Variants in CYP2E1 observed in about 807,000 individuals in gnomAD.
CYP2E1 encodes the protein cytochrome P450 2E1.
A neutral mutation model predicts 42.9 loss-of-function variants in CYP2E1; 31 were observed. The observed-to-expected ratio is 0.72, with a 90% CI of 0.54 to 0.98. CYP2E1 has a LOEUF of 0.98. Among genes scored for constraint, CYP2E1 ranks in the 50% least tolerant of loss-of-function variants. The pLI is 0.00. For missense variants in CYP2E1, 565 were observed against 633.2 expected, an observed-to-expected ratio of 0.89 and a Z score of 1.16; for synonymous variants, 244 against 248.9, an observed-to-expected ratio of 0.98 and a Z score of 0.19.
chr10:133,534,565 G>A (rs1441413599), intron 6 of CYP2E1, among the ~76,000 whole-genome samples: 1 of 152,202 alleles, frequency 6.6e-6, no homozygotes, highest in Non-Finnish European at 1.5e-5. Flanking sequence ...GTAAAGGGGA[G>A]GAAAGGGAGC....
Position 133,532,214 on chromosome 10 carries a change from A to G in CYP2E1, c.578A>G (p.Asp193Gly). ...ILFRKHFDYN[D>G]EKFLRLMYLF... ...TTCCGCAAGCATTTTGACTACAATG[A>G]TGAGAAGTTTCTAAGGCTGATGTAT... The change falls in exon 4 of 9, where the codon GAT (aspartate) becomes GGT (glycine). Residue 193 changes from aspartate (D) to glycine (G), a missense_variant. By Grantham distance (94) the Asp-to-Gly change is moderately conservative. Transcript: ENST00000252945. The G allele has an allele frequency of 6.2e-7, 1 of 1,614,014 alleles. No homozygotes were observed. Among genetic ancestry groups the G allele is most frequent in the Middle Eastern group, 1.6e-4 (1 of 6,062 alleles).
intron 3 of CYP2E1, 44 bp downstream of exon 3, chr10:133,531,778 A>G (rs1157971271): frequency 6.5e-7 from 1 of 1,537,800 alleles, no homozygotes. Flanking sequence ...CTTGCAGACC[A>G]GCGGTGTGGG....
At chr10:133,532,955 G>A in intron 5 of CYP2E1, 87 bp downstream of exon 5, 1 of 1,284,952 alleles carries the variant, frequency 7.8e-7, no homozygotes, top group South Asian at 1.5e-5. Context: ...TGCACTTGCT[G>A]GTGTCCAGAC....
At chr10:133,534,668 A>G (rs2133597886) in intron 6 of CYP2E1, among the ~76,000 whole-genome samples, 1 of 152,260 alleles carries the variant, frequency 6.6e-6, no homozygotes, top group African/African-American at 2.4e-5. Flanking sequence ...GAGGCAGTTC[A>G]CAGCCTGAGT....
intron 6 of CYP2E1, among the ~76,000 whole-genome samples, chr10:133,536,307 T>C (rs1851394908): frequency 6.6e-6 from 1 of 152,012 alleles, no homozygotes; most frequent in Non-Finnish European, 1.5e-5. Flanking sequence ...TTTCCAGTAA[T>C]TCAAAGGACC....
At chr10:133,533,959 G>T in intron 6 of CYP2E1, 62 bp downstream of exon 6, 1 of 1,570,786 alleles carries the variant, frequency 6.4e-7, no homozygotes, top group East Asian at 2.2e-5. Context: ...GGCCAGCCTT[G>T]CACATTTTAG....
chr10:133,535,296 A>G (rs1375391696), intron 6 of CYP2E1, among the ~76,000 whole-genome samples: 2 of 152,102 alleles, frequency 1.3e-5, no homozygotes, highest in African/African-American at 4.8e-5. Context: ...ATTGCACCCC[A>G]CTGCACTCTA....
intron 2 of CYP2E1, among the ~76,000 whole-genome samples, chr10:133,529,704 G>C (rs971021779): frequency 6.6e-6 from 1 of 152,268 alleles, no homozygotes; most frequent in Admixed American, 6.5e-5. Flanking sequence ...TCTTGAGCGT[G>C]CGCTCTGCGG....
chr10:133,537,183 T>G lies in CYP2E1; in HGVS notation c.1088T>G (p.Leu363Arg). 1.9e-6 allele frequency: 3 copies of G among 1,614,088 alleles called. No homozygotes were observed. The highest frequency in any genetic ancestry group is 2.5e-6 in the Non-Finnish European group (3 of 1,179,996). Residue 363 changes from leucine to arginine, a missense_variant, in exon 7 of 9, where the codon CTC (leucine) becomes CGC (arginine). Transcript: ENST00000252945. ...CATGAGATTCAGCGGTTCATCACCC[T>G]CGTGCCCTCCAACCTGCCCCATGAA... The part of the protein sequence containing the change: ...VVHEIQRFIT[L>R]VPSNLPHEAT...
At chr10:133,529,860 G>T (rs931479405) in intron 2 of CYP2E1, among the ~76,000 whole-genome samples, 1 of 152,186 alleles carries the variant, frequency 6.6e-6, no homozygotes, top group Admixed American at 6.5e-5. Flanking sequence ...TCTGCATTGT[G>T]GGTTTTACTT....
In CYP2E1 at chr10:133,538,974, G is replaced by A. The variant is rs1213342280; in HGVS notation, c.*10G>A. ...CATTCCCCGCTCATGAGTGTGTGGA[G>A]GACACCCTGAACCCCCCGCTTTCAA... On this transcript the variant is annotated 3_prime_UTR_variant, in exon 9 of 9. Transcript: ENST00000252945. 1 of 1,590,494 alleles carries A rather than the reference G, an allele frequency of 6.3e-7. No homozygotes were observed. The highest frequency in any genetic ancestry group is 1.8e-5 in the Admixed American group (1 of 57,000).
rs2480257 is a variant in CYP2E1, at chr10:133,539,005, T to C, written c.*41T>C. On this transcript the variant is annotated 3_prime_UTR_variant, in exon 9 of 9. Coordinates refer to ENST00000252945, the MANE Select transcript of CYP2E1 (RefSeq NM_000773.4). The stretch of plus-strand genomic sequence containing the variant: ...CCTGAACCCCCCGCTTTCAAACAAG[T>C]TTTCAAATTGTTTGAGGTCAGGATT... 13 of 1,507,384 alleles carry C rather than the reference T, an allele frequency of 8.6e-6. No individual in the cohort carries two copies. The East Asian group carries it at 2.8e-4, about 33-fold the overall frequency. The allele number at this position is 1,507,384 out of a possible 1,614,324, so 93.4% of individuals were successfully genotyped here. A position where few individuals can be genotyped will look rare whatever the true frequency, so the allele number is the denominator to read the frequency against.
At position 133,539,005 on chromosome 10, in the gene CYP2E1, T is replaced by A. The variant is rs2480257; in HGVS notation, c.*41T>A. Reference sequence around the variant, plus strand: ...CCTGAACCCCCCGCTTTCAAACAAGTTTTCAAATTGTTTGAGGTCAGGATT... The same window carrying A: ...CCTGAACCCCCCGCTTTCAAACAAGATTTCAAATTGTTTGAGGTCAGGATT... On this transcript the variant is annotated 3_prime_UTR_variant, in exon 9 of 9. Transcript: ENST00000252945. The A allele has an allele frequency of 0.75, 1,130,432 of 1,505,476 alleles. 434,684 individuals are homozygous for A. The highest frequency in any genetic ancestry group is 0.8 in the Non-Finnish European group (898,396 of 1,120,272). The allele number at this position is 1,505,476 out of a possible 1,614,324, so 93.3% of individuals were successfully genotyped here.
At chr10:133,532,345 G>A in intron 4 of CYP2E1, 61 bp downstream of exon 4, 1 of 1,534,728 alleles carries the variant, frequency 6.5e-7, no homozygotes, top group Non-Finnish European at 8.9e-7. Flanking sequence ...GAAAAAGAAG[G>A]AAAATTTGGG....
In CYP2E1 at chr10:133,532,212, T is replaced by C. The variant is rs1851347219; in HGVS notation, c.576T>C (p.Asn192=). The C allele has an allele frequency of 6.2e-7, 1 of 1,613,880 alleles. No homozygotes were observed. The highest frequency in any genetic ancestry group is 8.5e-7 in the Non-Finnish European group (1 of 1,179,992). Residue 192 remains asparagine (N), a synonymous_variant, in exon 4 of 9, where the codon AAT becomes AAC. Coordinates refer to ENST00000252945, the MANE Select transcript of CYP2E1 (RefSeq NM_000773.4). The part of the protein sequence containing the change: ...DILFRKHFDY[N]DEKFLRLMYL... ...TCTTCCGCAAGCATTTTGACTACAA[T>C]GATGAGAAGTTTCTAAGGCTGATGT...
chr10:133,527,706 C>T, intron 1 of CYP2E1, 134 bp downstream of exon 1: 2 of 714,452 alleles, frequency 2.8e-6, no homozygotes. Flanking sequence ...TTGATAGCAT[C>T]CTGGAGCGAC....
intron 2 of CYP2E1, among the ~76,000 whole-genome samples, chr10:133,529,902 C>T (rs1484375069): frequency 6.6e-6 from 1 of 152,202 alleles, no homozygotes; most frequent in Non-Finnish European, 1.5e-5. Flanking sequence ...AATTAACCAT[C>T]TCAGTCCTTG....
In CYP2E1 at chr10:133,532,885, C is replaced by A; in HGVS notation, c.825+17C>A. On this transcript the variant is annotated intron_variant, in intron 5 of 8. Transcript: ENST00000252945. The stretch of plus-strand genomic sequence containing the variant: ...ATGGAGAAGGTAGGCTCGGCCCTCC[C>A]ATGATGTGGGCTCTCCGGGGTGGGC... 1 of 1,589,016 alleles carries A rather than the reference C, an allele frequency of 6.3e-7. No homozygotes were observed.
Position 133,537,188 on chromosome 10 carries a change from C to T in CYP2E1, c.1093C>T (p.Pro365Ser). ...HEIQRFITLV[P>S]SNLPHEATRD... is the part of the protein sequence containing the mutation. ...GATTCAGCGGTTCATCACCCTCGTG[C>T]CCTCCAACCTGCCCCATGAAGCAAC... is the stretch of plus-strand genomic sequence containing the variant. Residue 365 changes from proline (P) to serine (S), a missense_variant, in exon 7 of 9, where the codon CCC (proline) becomes TCC (serine). By Grantham distance (74) the Pro-to-Ser change is moderately conservative (BLOSUM62 -1). Coordinates refer to ENST00000252945, the MANE Select transcript of CYP2E1 (RefSeq NM_000773.4). The T allele has an allele frequency of 6.2e-7, 1 of 1,614,078 alleles. No homozygotes were observed.
Sources: allele counts gnomAD v4.1 joint callset (sites outside exome capture counted in the v4.1 genomes callset), GRCh38; gene constraint gnomAD v4.1.1; transcripts MANE v1.5; gene names NCBI Gene and HGNC (gene_info 2026-07-23, HGNC 2026-07-21).